DIAPH2: variants seen among roughly 807,000 people sequenced by gnomAD.
DIAPH2 encodes diaphanous related formin 2.
A neutral mutation model predicts 92.7 loss-of-function variants in DIAPH2; 35 were observed. That is an observed-to-expected ratio of 0.38 (90% confidence interval 0.29 to 0.50). The LOEUF is 0.50. DIAPH2 is among the 20% of genes least tolerant of loss of function. The pLI, the probability that DIAPH2 is intolerant of heterozygous loss-of-function variation, is 0.94. For missense variants in DIAPH2, 701 were observed against 819.5 expected (o/e 0.86, Z 1.77); for synonymous variants, 301 against 280.4 (o/e 1.07, Z -0.73).
At chrX:97,531,988 G>A (rs1333046130) in intron 26 of DIAPH2, among the ~76,000 whole-genome samples, 2 of 112,077 alleles carry the variant, frequency 1.8e-5, no homozygotes, top group African/African-American at 3.2e-5. Flanking sequence ...TATTAGTAAC[G>A]TGGAATGTGT....
At chrX:97,408,830 TAGGTGTGAACACTCA>T (rs1358353547) in intron 25 of DIAPH2, among the ~76,000 whole-genome samples, 1 of 112,057 alleles carries the variant, frequency 8.9e-6, no homozygotes, top group Non-Finnish European at 1.9e-5. Context: ...GGAAGATGTA[TAGGTGTGAACACTCA>T]AGGTATGTAC....
chrX:97,509,041 T>TTATTTATC (rs1178086334), intron 26 of DIAPH2, among the ~76,000 whole-genome samples: 1 of 104,421 alleles, frequency 9.6e-6, no homozygotes, highest in Non-Finnish European at 2.0e-5. Flanking sequence ...ATTTATTTAT[T>TTATTTATC]TATTTATTTA....
intron 17 of DIAPH2, among the ~76,000 whole-genome samples, chrX:97,057,709 G>A (rs778034199): frequency 8.9e-6 from 1 of 112,059 alleles, no homozygotes; most frequent in East Asian, 2.8e-4. Flanking sequence ...AGTTTGTTAT[G>A]CAGCAACTTT....
chrX:96,871,469 C>CA (rs34852539), intron 4 of DIAPH2, among the ~76,000 whole-genome samples: 2,879 of 28,335 alleles, frequency 0.1, 326 homozygotes, highest in Non-Finnish European at 0.14. Context: ...GACTCCGTCT[C>CA]AAAAAAAAAA....
At chrX:97,238,111 A>G (rs1004332773) in intron 22 of DIAPH2, among the ~76,000 whole-genome samples, 7 of 112,364 alleles carry the variant, frequency 6.2e-5, no homozygotes, top group African/African-American at 2.3e-4. Flanking sequence ...TTCAAGGGGC[A>G]GCTTGACTGT....
intron 25 of DIAPH2, among the ~76,000 whole-genome samples, chrX:97,390,208 CTTTTTTTTT>C (rs142044871): frequency 1.5e-4 from 5 of 33,188 alleles, no homozygotes; most frequent in South Asian, 6.1e-3. Context: ...TGCTTTCTGT[CTTTTTTTTT>C]TTTTTTTTTT....
chrX:97,494,844 G>T (rs955632576), intron 26 of DIAPH2, among the ~76,000 whole-genome samples: 1 of 112,564 alleles, frequency 8.9e-6, no homozygotes, highest in Non-Finnish European at 1.9e-5. Flanking sequence ...TTGGGAACAT[G>T]TTCCATTTCT....
At chrX:97,061,837 G>A (rs1388607131) in intron 17 of DIAPH2, among the ~76,000 whole-genome samples, 2 of 86,833 alleles carry the variant, frequency 2.3e-5, no homozygotes, top group Non-Finnish European at 4.5e-5. Context: ...AAAAAAAAAC[G>A]CTCATTTTTA....
intron 22 of DIAPH2, among the ~76,000 whole-genome samples, chrX:97,196,438 T>C (rs1475360251): frequency 1.8e-5 from 2 of 112,327 alleles, no homozygotes; most frequent in African/African-American, 3.2e-5. Context: ...CAGAAATTTG[T>C]TGATAGAAAA....
chrX:97,421,449 A>C (rs776870500), intron 25 of DIAPH2, among the ~76,000 whole-genome samples: 9 of 111,713 alleles, frequency 8.1e-5, no homozygotes, highest in Non-Finnish European at 1.5e-4. Context: ...AATCTGGACC[A>C]TGATAGATAC....
chrX:97,158,061 G>A (rs1478788235), intron 22 of DIAPH2, among the ~76,000 whole-genome samples: 1 of 111,782 alleles, frequency 8.9e-6, no homozygotes, highest in African/African-American at 3.3e-5. Context: ...ATCAAAAGAA[G>A]TAAACAGCTT....
At chrX:97,178,329 G>T (rs1424665467) in intron 22 of DIAPH2, among the ~76,000 whole-genome samples, 1 of 109,689 alleles carries the variant, frequency 9.1e-6, no homozygotes, top group Non-Finnish European at 1.9e-5. Context: ...TGGAAAAAAA[G>T]ATAATTGTTT....
intron 26 of DIAPH2, among the ~76,000 whole-genome samples, chrX:97,521,051 A>T (rs752075380): frequency 9.0e-6 from 1 of 111,025 alleles, no homozygotes; most frequent in Non-Finnish European, 1.9e-5. Context: ...TTGGGAGTTG[A>T]TTAGGTCATG....
intron 1 of DIAPH2, among the ~76,000 whole-genome samples, chrX:96,700,864 A>G (rs2063851283): frequency 8.9e-6 from 1 of 112,013 alleles, no homozygotes; most frequent in Non-Finnish European, 1.9e-5. Context: ...TTGACCAGTG[A>G]AAGTCAGTGA....
In DIAPH2 at chrX:97,285,942, T is replaced by C. The variant is rs182640064; in HGVS notation, c.2844+38103T>C. ...TTATTTTGTGGGGATTACCTTGTCC[T>C]ACACCTAGATGAAAATCTAGGCCGT... On this transcript the variant is annotated intron_variant, in intron 23 of 26. Transcript: ENST00000324765. Among the ~76,000 whole-genome samples, 1,001 of 109,934 alleles carry C rather than the reference T, an allele frequency of 9.1e-3. 2 individuals carry two copies. The highest frequency in any genetic ancestry group is 0.015 in the Non-Finnish European group (797 of 52,794).
intron 23 of DIAPH2, among the ~76,000 whole-genome samples, chrX:97,290,077 A>ATG (rs1395878800): frequency 2.9e-5 from 3 of 102,457 alleles, no homozygotes; most frequent in South Asian, 4.2e-4. Flanking sequence ...TAATTTAAAT[A>ATG]TATATATATA....
At chrX:96,749,153 T>A (rs1432750973) in intron 3 of DIAPH2, among the ~76,000 whole-genome samples, 29 of 95,923 alleles carry the variant, frequency 3.0e-4, no homozygotes, top group Admixed American at 7.2e-4. Flanking sequence ...AAAATATATA[T>A]ATATATATAT....
chrX:96,766,499 A>G (rs2064305071), intron 4 of DIAPH2, among the ~76,000 whole-genome samples: 1 of 111,292 alleles, frequency 9.0e-6, no homozygotes, highest in Non-Finnish European at 1.9e-5. Flanking sequence ...GGGAATAAGA[A>G]AACAATATGT....
At chrX:96,982,673 C>G (rs1464735820) in intron 17 of DIAPH2, among the ~76,000 whole-genome samples, 2 of 112,049 alleles carry the variant, frequency 1.8e-5, no homozygotes, top group African/African-American at 6.5e-5. Flanking sequence ...GATCACATCC[C>G]TATTAATTAT....
Sources: gnomAD v4.1 joint callset for allele counts (sites outside exome capture counted in the v4.1 genomes callset) on GRCh38, gnomAD v4.1.1 for gene constraint, MANE v1.5 for transcripts, NCBI Gene and HGNC (gene_info 2026-07-23, HGNC 2026-07-21) for gene names.